The following SETD6 variants were observed in gnomAD, a reference collection of about 807,000 sequenced individuals.
The protein encoded by SETD6 is SET domain containing 6, protein lysine methyltransferase.
Under a neutral mutation model 52.7 loss-of-function variants are expected in SETD6, and 67 were observed. The ratio of observed to expected loss-of-function variants is 1.27; its 90% confidence interval spans 1.04 to 1.56. The LOEUF (loss-of-function observed/expected upper bound fraction) is 1.56, where lower values mean the gene tolerates loss of function less well. SETD6 is among the 40% of genes most tolerant of loss of function. The pLI is 0.00. For synonymous variants in SETD6, 307 were observed against 250.2 expected, an observed-to-expected ratio of 1.23 and a Z score of -2.14; for missense variants, 712 against 607.5, an observed-to-expected ratio of 1.17 and a Z score of -1.81.
In SETD6 at chr16:58,517,926, C is replaced by T; in HGVS notation, c.793-125C>T. The T allele has an allele frequency of 8.3e-6, 10 of 1,206,470 alleles. 1 individual carries two copies. Among genetic ancestry groups the T allele is most frequent in the South Asian group, 5.6e-5 (4 of 71,602 alleles). The allele number at this position is 1,206,470 out of a possible 1,614,324, so 74.7% of individuals were successfully genotyped here. On this transcript the variant is annotated intron_variant, in intron 5 of 7. Coordinates refer to ENST00000219315, the MANE Select transcript of SETD6 (RefSeq NM_001160305.4). ...GGTCTAACAGGAACTAAAGGTAGAA[C>T]TTTGGTAGTTAACAGCATCAGTCAT...
At chr16:58,517,064 A>C (rs1053381932) in intron 5 of SETD6, 136 bp downstream of exon 5, 4 of 1,276,620 alleles carry the variant, frequency 3.1e-6, no homozygotes, top group Non-Finnish European at 4.5e-6. Context: ...TATGCATATT[A>C]CTGTAGAATC....
Position 58,515,818 on chromosome 16 carries a change from C to A in SETD6, c.55C>A (p.Leu19Met). ...RVAGPVDGGDLDPVACFLSWC... is the reference protein window; with the variant it reads ...RVAGPVDGGDMDPVACFLSWC... ...GGCGGGGCCCGTGGACGGCGGCGAC[C>A]TGGATCCTGTGGCCTGCTTCCTGAG... is the stretch of plus-strand genomic sequence containing the variant. Residue 19 changes from leucine to methionine, a missense_variant, in exon 2 of 8, where the codon CTG (leucine) becomes ATG (methionine). Physicochemically the swap from Leu to Met is conservative, Grantham distance 15. Coordinates refer to ENST00000219315, the MANE Select transcript of SETD6 (RefSeq NM_001160305.4). 6.5e-7 allele frequency: 1 copy of A among 1,535,142 alleles called. No individual in the cohort carries two copies.
At position 58,518,084 on chromosome 16, in the gene SETD6, C is replaced by T. The variant is rs1018539970; in HGVS notation, c.826C>T (p.Pro276Ser). The change falls in exon 6 of 8, where the codon CCT (proline) becomes TCT (serine). Residue 276 changes from proline to serine, a missense_variant. By Grantham distance (74) the Pro-to-Ser change is moderately conservative (BLOSUM62 -1). Coordinates refer to ENST00000219315, the MANE Select transcript of SETD6 (RefSeq NM_001160305.4). ...TCGGATGGTAGCCACTCAGCCCATT[C>T]CTAAAGGCCATGAGATTTTCAACAC... ...CLRMVATQPI[P>S]KGHEIFNTYG... The T allele has an allele frequency of 1.2e-6, 2 of 1,614,202 alleles. No homozygotes were observed. Among genetic ancestry groups the T allele is most frequent in the Admixed American group, 3.3e-5 (2 of 60,022 alleles).
chr16:58,515,551 C>A lies in SETD6; in HGVS notation c.14C>A (p.Ala5Glu). 2 of 1,588,866 alleles carry A rather than the reference C, an allele frequency of 1.3e-6. No homozygotes were observed. Among genetic ancestry groups the A allele is most frequent in the Non-Finnish European group, 1.7e-6 (2 of 1,171,842 alleles). The change falls in exon 1 of 8, where the codon GCG (alanine) becomes GAG (glutamate). Residue 5 changes from alanine (A) to glutamate (E), a missense_variant. Ala to Glu is a moderately radical substitution (Grantham distance 107). Coordinates refer to ENST00000219315, the MANE Select transcript of SETD6 (RefSeq NM_001160305.4). ...CGCTCTTAGACCATGGCGACCCAGG[C>A]GAAGCGTCCACGGGTGAGTGGCGGG... MATQAKRPRVAGPVD... is the reference protein window; with the variant it reads MATQEKRPRVAGPVD...
At position 58,521,388 on chromosome 16, in the gene SETD6, T is replaced by C; in HGVS notation, c.*2359T>C. The C allele has an allele frequency of 6.8e-7, 1 of 1,468,468 alleles. No homozygotes were observed. Among genetic ancestry groups the C allele is most frequent in the South Asian group, 1.3e-5 (1 of 76,986 alleles). The allele number at this position is 1,468,468 out of a possible 1,614,324, so 91.0% of individuals were successfully genotyped here. On this transcript the variant is annotated 3_prime_UTR_variant, in exon 8 of 8. Transcript: ENST00000219315. ...ATTCATGATTATTCTTCCATTACTT[T>C]TTTTCTAACTTCTCCCTGACTATTG... is the stretch of plus-strand genomic sequence containing the variant.
At position 58,515,940 on chromosome 16, in the gene SETD6, C is replaced by T; in HGVS notation, c.177C>T (p.Ser59=). The T allele has an allele frequency of 6.6e-7, 1 of 1,520,658 alleles. No homozygotes were observed. The highest frequency in any genetic ancestry group is 8.8e-7 in the Non-Finnish European group (1 of 1,142,354). 94.2% of individuals were successfully genotyped at this position (1,520,658 alleles called of 1,614,324 possible). Residue 59 remains serine (S), a synonymous_variant, in exon 2 of 8, where the codon AGC becomes AGT. Transcript: ENST00000219315. ...TRGGARAALT[S]PPAQVAVSRQ... is the part of the protein sequence containing the mutation. ...GCGGGGCGCGGGCTGCCCTGACCAG[C>T]CCTCCTGCTCAGGTGGCGGTCAGCC...
In SETD6 at chr16:58,521,346, T is replaced by C. The variant is rs773909921; in HGVS notation, c.*2317T>C. On this transcript the variant is annotated 3_prime_UTR_variant, in exon 8 of 8. Transcript: ENST00000219315. ...GAAAAAGGGAGAAAGAGCTAGTTAA[T>C]GTATAGAAGCATACAAATTCATGAT... 2.5e-6 allele frequency: 4 copies of C among 1,573,934 alleles called. No individual in the cohort carries two copies. Among genetic ancestry groups the C allele is most frequent in the South Asian group, 1.2e-5 (1 of 85,066 alleles).
Position 58,521,018 on chromosome 16 carries a change from T to C in SETD6, c.*1989T>C. The C allele has an allele frequency of 6.2e-7, 1 of 1,614,102 alleles. No homozygotes were observed. Among genetic ancestry groups the C allele is most frequent in the African/African-American group, 1.3e-5 (1 of 75,046 alleles). The stretch of plus-strand genomic sequence containing the variant: ...CCTGCTTCTGTCCCATGCAGCACTG[T>C]GCGACCGACTGGAATAACCTGAAGG... On this transcript the variant is annotated 3_prime_UTR_variant, in exon 8 of 8. Transcript: ENST00000219315.
chr16:58,521,900 G>A lies in SETD6; in HGVS notation c.*2871G>A, dbSNP rs932770448. On this transcript the variant is annotated 3_prime_UTR_variant, in exon 8 of 8. Transcript: ENST00000219315. ...CAGTAGGTGGAGGTTGTGGTGAGCC[G>A]AGATGGTGCCACTGCACTCCAGCCT... Among the ~76,000 whole-genome samples the A allele has an allele frequency of 2.0e-5, 3 of 152,116 alleles. No individual in the cohort carries two copies. Among genetic ancestry groups the A allele is most frequent in the Non-Finnish European group, 2.9e-5 (2 of 68,016 alleles).
intron 5 of SETD6, 24 bp downstream of exon 5, chr16:58,516,952 ACT>A (rs747677108): frequency 4.3e-6 from 7 of 1,614,064 alleles, no homozygotes; most frequent in East Asian, 2.2e-5. Context: ...CTCTTGGTGC[ACT>A]GATTGAGCAT....
rs1394695271 is a variant in SETD6 at position 58,520,864 on chromosome 16, A to G, written c.*1835A>G. 1 of 1,302,550 alleles carries G rather than the reference A, an allele frequency of 7.7e-7. No homozygotes were observed. The highest frequency in any genetic ancestry group is 1.4e-5 in the African/African-American group (1 of 69,094). 80.7% of individuals were successfully genotyped at this position (1,302,550 alleles called of 1,614,324 possible). A position where few individuals can be genotyped will look rare whatever the true frequency, so the allele number is the denominator to read the frequency against. On this transcript the variant is annotated 3_prime_UTR_variant, in exon 8 of 8. Coordinates refer to ENST00000219315, the MANE Select transcript of SETD6 (RefSeq NM_001160305.4). ...TACCCACAAACCAAAGGGCTGGGAA[A>G]GTCAGGAAGAGCTGAAAGGATTCTT...
In SETD6 at chr16:58,523,711, C is replaced by A; in HGVS notation, c.*4682C>A. 2.3e-6 allele frequency: 1 copy of A among 430,428 alleles called. No individual in the cohort carries two copies. 26.7% of individuals were successfully genotyped at this position (430,428 alleles called of 1,614,324 possible). A position where few individuals can be genotyped will look rare whatever the true frequency, so the allele number is the denominator to read the frequency against. ...TTAGAAATTAGATTTTAAAAATATT[C>A]ATTTTTAAAAACAGACCCACTATGT... On this transcript the variant is annotated 3_prime_UTR_variant, in exon 8 of 8. Transcript: ENST00000219315.
At chr16:58,517,857 G>A in intron 5 of SETD6, 194 bp from the exon 6 acceptor site, 1 of 645,092 alleles carries the variant, frequency 1.6e-6, no homozygotes, top group Non-Finnish European at 2.7e-6. Context: ...ACATGAAGCT[G>A]GCCTTTTAAA....
In SETD6 at chr16:58,523,274, G is replaced by T; in HGVS notation, c.*4245G>T. 1.5e-6 allele frequency: 2 copies of T among 1,340,430 alleles called. No homozygotes were observed. The highest frequency in any genetic ancestry group is 1.6e-5 in the South Asian group (1 of 61,274). 83.0% of individuals were successfully genotyped at this position (1,340,430 alleles called of 1,614,324 possible). A position where few individuals can be genotyped will look rare whatever the true frequency, so the allele number is the denominator to read the frequency against. On this transcript the variant is annotated 3_prime_UTR_variant, in exon 8 of 8. Coordinates refer to ENST00000219315, the MANE Select transcript of SETD6 (RefSeq NM_001160305.4). Reference sequence around the variant, plus strand: ...AAACAAAAAAAAAACCAACCAAACGGATTTTCACTGAACACTGAAAGCATA... The same window carrying T: ...AAACAAAAAAAAAACCAACCAAACGTATTTTCACTGAACACTGAAAGCATA...
chr16:58,517,880 C>A, intron 5 of SETD6, 171 bp from the exon 6 acceptor site: 1 of 757,744 alleles, frequency 1.3e-6, no homozygotes, highest in Non-Finnish European at 2.1e-6. Flanking sequence ...TAGCCCAACC[C>A]TTTTTTGTTT....
Position 58,516,505 on chromosome 16 carries a change from C to A in SETD6, c.504C>A (p.Leu168=), listed in dbSNP as rs760869683. 19 of 1,613,910 alleles carry A rather than the reference C, an allele frequency of 1.2e-5. No individual in the cohort carries two copies. The highest frequency in any genetic ancestry group is 6.7e-5 in the Admixed American group (4 of 59,996). ...CAGAGGAGGAGCGCCGGTGCCTGCT[C>A]CAGGGCACAGGCGTACCTGAGGCCG... ...FWPEEERRCL[L]QGTGVPEAVE... The change falls in exon 4 of 8, where the codon CTC becomes CTA. Residue 168 remains leucine, a synonymous_variant. Transcript: ENST00000219315.
Position 58,522,556 on chromosome 16 carries a change from G to C in SETD6, c.*3527G>C, listed in dbSNP as rs1447803346. 1.1e-5 allele frequency among the ~76,000 whole-genome samples: 1 copy of C among 90,012 alleles called. No homozygotes were observed. Among genetic ancestry groups the C allele is most frequent in the African/African-American group, 5.6e-5 (1 of 17,988 alleles). 59.1% of individuals were successfully genotyped at this position (90,012 alleles called of 152,430 possible). On this transcript the variant is annotated 3_prime_UTR_variant, in exon 8 of 8. Transcript: ENST00000219315. ...TTAAGAGTCTGGCCCAATTTTTAAA[G>C]TGTGTGTGTGTGTGTATCACAATCT... is the stretch of plus-strand genomic sequence containing the variant.
rs746397514 is a variant in SETD6 at position 58,520,941 on chromosome 16, C to T, written c.*1912C>T. On this transcript the variant is annotated 3_prime_UTR_variant, in exon 8 of 8. Coordinates refer to ENST00000219315, the MANE Select transcript of SETD6 (RefSeq NM_001160305.4). ...GAGACCTCTAGACTGACACGTACAA[C>T]AGAGATGCAGTTTCGTCTAACTGGC... 1.2e-5 allele frequency: 19 copies of T among 1,611,548 alleles called. No homozygotes were observed. The highest frequency in any genetic ancestry group is 1.6e-5 in the Non-Finnish European group (19 of 1,179,688).
rs1160289755 is a variant in SETD6 at position 58,522,246 on chromosome 16, A to AAAC, written c.*3219_*3220insCAA. ...CAAAGCGAGACTGTCTCAAAAAAAA[A>AAAC]AAAAAAAAAAAAAAAAAAAAAGCTA... On this transcript the variant is annotated 3_prime_UTR_variant, in exon 8 of 8. Coordinates refer to ENST00000219315, the MANE Select transcript of SETD6 (RefSeq NM_001160305.4). Among the ~76,000 whole-genome samples, 6 of 41,580 alleles carry AAAC rather than the reference A, an allele frequency of 1.4e-4. No homozygotes were observed. The highest frequency in any genetic ancestry group is 4.6e-4 in the African/African-American group (5 of 10,792). The allele number at this position is 41,580 out of a possible 152,430, so 27.3% of individuals were successfully genotyped here.
Sources: gnomAD v4.1 joint callset for allele counts (sites outside exome capture counted in the v4.1 genomes callset) on GRCh38, gnomAD v4.1.1 for gene constraint, MANE v1.5 for transcripts, NCBI Gene and HGNC (gene_info 2026-07-23, HGNC 2026-07-21) for gene names.